YBX1: variants seen among roughly 807,000 people sequenced by gnomAD.
YBX1 encodes Y-box binding protein 1, also known as Y-box-binding protein 1.
A neutral mutation model predicts 41.4 loss-of-function variants in YBX1; 3 were observed. The ratio of observed to expected loss-of-function variants is 0.07; its 90% CI spans 0.03 to 0.19. The LOEUF is 0.19. YBX1 is among the 10% of genes least tolerant of loss of function. The pLI, the probability that YBX1 is intolerant of heterozygous loss-of-function variation, is 1.00. For synonymous variants in YBX1, 133 were observed against 165.8 expected (o/e 0.80, Z 1.52); for missense variants, 274 against 462.8 (o/e 0.59, Z 3.74).
intron 2 of YBX1, among the ~76,000 whole-genome samples, chr1:42,684,508 C>G (rs1047394209): frequency 2.6e-5 from 4 of 152,182 alleles, no homozygotes; most frequent in Non-Finnish European, 5.9e-5. Flanking sequence ...TGGGCAAAAT[C>G]AAGCTTAAGG....
At chr1:42,701,113 G>T (rs1245213975) in intron 7 of YBX1, 67 bp downstream of exon 7, 1 of 1,202,806 alleles carries the variant, frequency 8.3e-7, no homozygotes, top group Non-Finnish European at 1.2e-6. Flanking sequence ...TTTTATTAAT[G>T]CAAGAGTAGA....
At chr1:42,683,059 A>G in intron 1 of YBX1, 1 of 447,924 alleles carries the variant, frequency 2.2e-6, no homozygotes, top group Non-Finnish European at 4.3e-6. Flanking sequence ...TGTTCGCGTC[A>G]CCCCCACCCA....
At chr1:42,685,100 G>T (rs183783664) in intron 2 of YBX1, among the ~76,000 whole-genome samples, 98 of 151,774 alleles carry the variant, frequency 6.5e-4, no homozygotes, top group African/African-American at 2.0e-3. Context: ...TAGATTGCAG[G>T]TTTTGTATGT....
chr1:42,698,778 A>G (rs1191217988), intron 6 of YBX1, among the ~76,000 whole-genome samples: 1 of 152,172 alleles, frequency 6.6e-6, no homozygotes, highest in Non-Finnish European at 1.5e-5. Flanking sequence ...ACGTGTTTCA[A>G]TGTTTAGAAT....
intron 7 of YBX1, among the ~76,000 whole-genome samples, chr1:42,701,663 G>GCAGAC (rs1239543655): frequency 6.6e-6 from 1 of 151,992 alleles, no homozygotes. Context: ...TAATTCTCTG[G>GCAGAC]CAGACCACAT....
chr1:42,697,338 C>A, intron 6 of YBX1, 76 bp downstream of exon 6: 1 of 1,406,882 alleles, frequency 7.1e-7, no homozygotes. Context: ...CATGCCTCTC[C>A]TGCAGACTCA....
intron 2 of YBX1, among the ~76,000 whole-genome samples, chr1:42,690,206 ATC>A (rs1357043380): frequency 1.3e-5 from 2 of 151,480 alleles, no homozygotes; most frequent in African/African-American, 2.4e-5. Context: ...GTGAGACTCC[ATC>A]TCAAAAAAAA....
chr1:42,689,483 AT>A (rs1269828051), intron 2 of YBX1, among the ~76,000 whole-genome samples: 1 of 152,208 alleles, frequency 6.6e-6, no homozygotes, highest in African/African-American at 2.4e-5. Flanking sequence ...TTACGGATAA[AT>A]TTATGTATAA....
chr1:42,689,813 G>C (rs145674221), intron 2 of YBX1, among the ~76,000 whole-genome samples: 1 of 152,072 alleles, frequency 6.6e-6, no homozygotes, highest in African/African-American at 2.4e-5. Context: ...GTTGCATTTT[G>C]TCTATTTTTA....
At chr1:42,700,313 C>A (rs1650562540) in intron 6 of YBX1, among the ~76,000 whole-genome samples, 2 of 152,114 alleles carry the variant, frequency 1.3e-5, no homozygotes, top group South Asian at 4.2e-4. Flanking sequence ...AATTTAGTAT[C>A]TTTATCTTGG....
rs1650458991 is a variant in YBX1 at position 42,696,411 on chromosome 1, A to G, written c.354+123A>G. 9.5e-7 allele frequency: 1 copy of G among 1,048,022 alleles called. No homozygotes were observed. Among genetic ancestry groups the G allele is most frequent in the Non-Finnish European group, 1.4e-6 (1 of 716,944 alleles). 64.9% of individuals were successfully genotyped at this position (1,048,022 alleles called of 1,614,324 possible). ...CAGGTGACCTCATGAACACAGGTGC[A>G]TCAAGCCTAATGTTCTGGCTGCAGT... is the stretch of plus-strand genomic sequence containing the variant. On this transcript the variant is annotated intron_variant, in intron 4 of 7. Coordinates refer to ENST00000321358, the MANE Select transcript of YBX1 (RefSeq NM_004559.5). This position sits in a 1 kb window ranked among gnomAD's most constrained non-coding sequence, Gnocchi z 5.7.
Position 42,684,167 on chromosome 1 carries a change from T to G in YBX1, c.230+701T>G, listed in dbSNP as rs115750788. Among the ~76,000 whole-genome samples the G allele has an allele frequency of 4.0e-3, 614 of 152,376 alleles. 2 individuals are homozygous for G. The highest frequency in any genetic ancestry group is 0.014 in the African/African-American group (589 of 41,588). On this transcript the variant is annotated intron_variant, in intron 2 of 7. Transcript: ENST00000321358. ...CTGTAGCTTATTAGAGTGGCCATAG[T>G]CACTGGTAACTTGACATTTTTCTTC...
At chr1:42,685,116 A>G (rs921876153) in intron 2 of YBX1, among the ~76,000 whole-genome samples, 1 of 143,640 alleles carries the variant, frequency 7.0e-6, no homozygotes, top group African/African-American at 3.0e-5. Flanking sequence ...TATGTGTTGA[A>G]GAAGTTTTAG....
Position 42,696,522 on chromosome 1 carries a change from C to CCGTG in YBX1, c.355-120_355-119insCGTG. 1 of 637,568 alleles carries CCGTG rather than the reference C, an allele frequency of 1.6e-6. No homozygotes were observed. The highest frequency in any genetic ancestry group is 2.4e-6 in the Non-Finnish European group (1 of 420,684). The allele number at this position is 637,568 out of a possible 1,614,324, so 39.5% of individuals were successfully genotyped here. Reference sequence around the variant, plus strand: ...GGTCACGCAGTTGCGCCCCCCCCCCCTTTTTTTTCCTTAACTTTGTTGTTT... The same window carrying CCGTG: ...GGTCACGCAGTTGCGCCCCCCCCCCCCGTGTTTTTTTTCCTTAACTTTGTTGTTT... On this transcript the variant is annotated intron_variant, in intron 4 of 7. Transcript: ENST00000321358. This position sits in a 1 kb window ranked among gnomAD's most constrained non-coding sequence, Gnocchi z 5.7.
At chr1:42,697,126 G>GT (rs1211997848) in intron 5 of YBX1, 54 bp from the exon 6 acceptor site, 34 of 1,575,450 alleles carry the variant, frequency 2.2e-5, no homozygotes, top group Middle Eastern at 3.4e-4. Flanking sequence ...ATCTGGTTGG[G>GT]TTTTTTTATT....
chr1:42,701,847 GT>G (rs935377260), intron 7 of YBX1, 133 bp from the exon 8 acceptor site: 4 of 152,302 alleles, frequency 2.6e-5, no homozygotes, highest in African/African-American at 9.7e-5. Flanking sequence ...GTTTTTTCCC[GT>G]TTACTATTTG....
chr1:42,692,833 G>A (rs1650371854), intron 2 of YBX1, among the ~76,000 whole-genome samples: 1 of 152,222 alleles, frequency 6.6e-6, no homozygotes, highest in African/African-American at 2.4e-5. Context: ...CTGACATCCA[G>A]TCATCCACAA....
intron 3 of YBX1, among the ~76,000 whole-genome samples, chr1:42,694,029 G>A (rs187942860): frequency 6.6e-6 from 1 of 151,660 alleles, no homozygotes; most frequent in African/African-American, 2.4e-5. Flanking sequence ...AATGGGTATT[G>A]GGTTTTTTTT....
chr1:42,684,747 G>C (rs996375289), intron 2 of YBX1, among the ~76,000 whole-genome samples: 4 of 152,168 alleles, frequency 2.6e-5, no homozygotes, highest in African/African-American at 7.2e-5. Flanking sequence ...TGGCTTACTA[G>C]CAAGAAGGAA....
Sources: allele counts gnomAD v4.1 joint callset (sites outside exome capture counted in the v4.1 genomes callset), GRCh38; gene constraint gnomAD v4.1.1; non-coding constraint Gnocchi (gnomAD v3.1); transcripts MANE v1.5; gene names NCBI Gene and HGNC (gene_info 2026-07-23, HGNC 2026-07-21).